Variants in UNC13C observed in about 807,000 individuals in gnomAD.
The protein encoded by UNC13C is protein unc-13 homolog C.
UNC13C carries 174 observed loss-of-function variants against 245.4 expected under a neutral mutation model. That is an observed-to-expected ratio of 0.71 (90% confidence interval 0.63 to 0.80). UNC13C has a LOEUF of 0.80. UNC13C is among the 30% of genes least tolerant of loss of function. The pLI is 0.00. For synonymous variants in UNC13C, 992 were observed against 895.1 expected (o/e 1.11, Z -1.93); for missense variants, 2,829 against 2,602.9 (o/e 1.09, Z -1.89).
At chr15:54,559,648 G>A (rs79369518) in intron 29 of UNC13C, among the ~76,000 whole-genome samples, 4,851 of 152,064 alleles carry the variant, frequency 0.032, 262 homozygotes, top group African/African-American at 0.11. Flanking sequence ...GGAGGGCAGA[G>A]AGGGTGATGA....
At chr15:54,425,526 C>G (rs1015549195) in intron 19 of UNC13C, among the ~76,000 whole-genome samples, 11 of 151,934 alleles carry the variant, frequency 7.2e-5, no homozygotes, top group African/African-American at 2.6e-4. Context: ...CAAATGACAC[C>G]TAGAATTAAG....
intron 30 of UNC13C, among the ~76,000 whole-genome samples, chr15:54,598,045 T>A (rs1899197651): frequency 6.6e-6 from 1 of 152,212 alleles, no homozygotes; most frequent in African/African-American, 2.4e-5. Flanking sequence ...TGGTAAAAAC[T>A]TTCCAGGCAT....
chr15:54,367,811 A>T (rs537509735), intron 17 of UNC13C, among the ~76,000 whole-genome samples: 1 of 152,144 alleles, frequency 6.6e-6, no homozygotes, highest in Non-Finnish European at 1.5e-5. Flanking sequence ...GCACTATCCA[A>T]TATGGAAGCC....
intron 28 of UNC13C, 42 bp from the exon 29 acceptor site, chr15:54,555,390 T>C (rs1249845850): frequency 6.5e-7 from 1 of 1,547,052 alleles, no homozygotes; most frequent in Non-Finnish European, 8.9e-7. Context: ...GTTGAATACA[T>C]GAACTGGTTG....
chr15:54,546,498 C>T (rs1055980072), intron 26 of UNC13C, among the ~76,000 whole-genome samples: 11 of 152,018 alleles, frequency 7.2e-5, no homozygotes, highest in African/African-American at 2.7e-4. Context: ...TTTCCAAAGC[C>T]TGTTGATTTA....
the UNC13C span, among the ~76,000 whole-genome samples, chr15:53,926,591 C>T: frequency 6.6e-6 from 1 of 152,168 alleles, no homozygotes; most frequent in African/African-American, 2.4e-5. Context: ...AGGACACAGT[C>T]ACTGGCCTCA....
chr15:54,457,119 G>C (rs1403186036), intron 19 of UNC13C, among the ~76,000 whole-genome samples: 2 of 152,026 alleles, frequency 1.3e-5, no homozygotes, highest in Non-Finnish European at 2.9e-5. Flanking sequence ...TTCTATTTCT[G>C]TGTCTGTTGA....
rs112656427 is a variant in UNC13C at position 54,442,299 on chromosome 15, G to A, written c.4933+27232G>A. Among the ~76,000 whole-genome samples, 569 of 145,838 alleles carry A rather than the reference G, an allele frequency of 3.9e-3. 4 individuals are homozygous for A. The highest frequency in any genetic ancestry group is 0.014 in the African/African-American group (545 of 39,296). On this transcript the variant is annotated intron_variant, in intron 19 of 32. Transcript: ENST00000260323. ...AGGATCTCACTCTGTTGCCCAGGCTGGAGTGCACTGGCTCCCAGATTCAAG... is the reference window on the plus strand; with the variant it reads ...AGGATCTCACTCTGTTGCCCAGGCTAGAGTGCACTGGCTCCCAGATTCAAG...
chr15:54,507,359 T>G (rs758404703), intron 23 of UNC13C, among the ~76,000 whole-genome samples, 165 bp downstream of exon 23: 1 of 152,094 alleles, frequency 6.6e-6, no homozygotes, highest in Non-Finnish European at 1.5e-5. Context: ...GAACTGGTTT[T>G]AATACAGGAT....
intron 2 of UNC13C, among the ~76,000 whole-genome samples, chr15:54,062,046 G>A (rs530256303): frequency 5.8e-4 from 88 of 152,132 alleles, no homozygotes; most frequent in African/African-American, 2.0e-3. Context: ...TCAGTCGGGC[G>A]TGGTGGCTCA....
At chr15:54,465,615 C>T (rs1467323736) in intron 19 of UNC13C, among the ~76,000 whole-genome samples, 1 of 151,912 alleles carries the variant, frequency 6.6e-6, no homozygotes, top group Non-Finnish European at 1.5e-5. Flanking sequence ...AAAATGATAA[C>T]TCATTCAGGA....
intron 1 of UNC13C, among the ~76,000 whole-genome samples, chr15:53,984,636 A>T (rs551393369): frequency 6.6e-6 from 1 of 152,258 alleles, no homozygotes; most frequent in East Asian, 1.9e-4. Flanking sequence ...ACTGGCTGTA[A>T]ATTTGTCATT....
chr15:54,255,111 T>C (rs185438231), intron 8 of UNC13C, among the ~76,000 whole-genome samples: 1 of 152,230 alleles, frequency 6.6e-6, no homozygotes, highest in African/African-American at 2.4e-5. Context: ...GAGGTGAATG[T>C]TTATAGCTGA....
At chr15:54,383,561 A>C (rs2039773115) in intron 17 of UNC13C, among the ~76,000 whole-genome samples, 1 of 152,148 alleles carries the variant, frequency 6.6e-6, no homozygotes. Context: ...CGCTAACATC[A>C]TACTGAAGGG....
At chr15:53,866,395 T>A in the UNC13C span, among the ~76,000 whole-genome samples, 1 of 152,128 alleles carries the variant, frequency 6.6e-6, no homozygotes, top group Admixed American at 6.5e-5. Context: ...GAAGACCACA[T>A]AGACAACACA....
chr15:54,570,930 G>A (rs1897726906), intron 30 of UNC13C, among the ~76,000 whole-genome samples: 1 of 152,114 alleles, frequency 6.6e-6, no homozygotes, highest in Non-Finnish European at 1.5e-5. Context: ...AATTATTGGA[G>A]TCTTATTTAT....
Position 54,013,283 on chromosome 15 carries a change from A to G in UNC13C, c.380A>G (p.Tyr127Cys), listed in dbSNP as rs775449533. The G allele has an allele frequency of 1.2e-6, 2 of 1,613,662 alleles. No homozygotes were observed. Among genetic ancestry groups the G allele is most frequent in the Non-Finnish European group, 1.7e-6 (2 of 1,179,834 alleles). The change falls in exon 2 of 33, where the codon TAC becomes TGC. Residue 127 changes from tyrosine to cysteine, a missense_variant. By Grantham distance (194) the Tyr-to-Cys change is radical. Transcript: ENST00000260323. ...LQELSSIESS[Y>C]SESLNELRSS... ...GAGCTCTCTTCAATCGAGAGTTCCT[A>G]CTCAGAATCATTAAATGAACTAAGG... is the stretch of plus-strand genomic sequence containing the variant.
chr15:54,305,061 G>A (rs2037691413), intron 13 of UNC13C, among the ~76,000 whole-genome samples: 1 of 152,028 alleles, frequency 6.6e-6, no homozygotes, highest in South Asian at 2.1e-4. Flanking sequence ...CTTACAAATT[G>A]AAATTTTGAA....
At chr15:54,317,111 C>T (rs1487164652) in intron 13 of UNC13C, among the ~76,000 whole-genome samples, 3 of 151,884 alleles carry the variant, frequency 2.0e-5, no homozygotes, top group African/African-American at 7.2e-5. Flanking sequence ...AATTATAATA[C>T]TAATTCTAAT....
Sources: allele counts gnomAD v4.1 joint callset (sites outside exome capture counted in the v4.1 genomes callset), GRCh38; gene constraint gnomAD v4.1.1; transcripts MANE v1.5; gene names NCBI Gene and HGNC (gene_info 2026-07-23, HGNC 2026-07-21).